Variants in LDAH observed in about 807,000 individuals in gnomAD.
LDAH encodes the protein lipid droplet-associated hydrolase.
A neutral mutation model predicts 29.6 loss-of-function variants in LDAH; 26 were observed. That is an observed-to-expected ratio of 0.88 (90% confidence interval 0.64 to 1.22). The LOEUF (loss-of-function observed/expected upper bound fraction) is 1.22, where lower values mean the gene tolerates loss of function less well. LDAH is among the 50% of genes most tolerant of loss of function. LDAH has a pLI of 0.00. For missense variants in LDAH, 344 were observed against 387.3 expected (o/e 0.89, Z 0.94); for synonymous variants, 117 against 133.0 (o/e 0.88, Z 0.83).
At chr2:20,683,177 G>A (rs150090046), downstream of LDAH, among the ~76,000 whole-genome samples, 205 of 152,272 alleles carry the variant, frequency 1.3e-3, no homozygotes, top group African/African-American at 4.8e-3. Context: ...GATGCCTTCA[G>A]CCTGGTGGGA....
chr2:20,800,379 A>T (rs903448184), intron 2 of LDAH, among the ~76,000 whole-genome samples: 21 of 152,270 alleles, frequency 1.4e-4, no homozygotes, highest in African/African-American at 4.6e-4. Context: ...GTTGTGTAAG[A>T]ATCAACTGAA....
At chr2:20,808,144 T>C (rs1042371469) in intron 1 of LDAH, among the ~76,000 whole-genome samples, 1 of 152,142 alleles carries the variant, frequency 6.6e-6, no homozygotes, top group Admixed American at 6.5e-5. Flanking sequence ...GTGCAAGACC[T>C]CTACACAGAA....
rs899670043 is a variant in LDAH, at chr2:20,735,603, AT to A, written c.703+4367del. On this transcript the variant is annotated intron_variant, in intron 5 of 6. Transcript: ENST00000237822. ...CTCTGTCATTTTGGTGTTGGCATTG[AT>A]TTTTTTTTTCCAGTCAAGTTGAGAT... is the stretch of plus-strand genomic sequence containing the variant. Among the ~76,000 whole-genome samples the A allele has an allele frequency of 8.0e-5, 12 of 149,528 alleles. No homozygotes were observed. In the South Asian group the frequency reaches 1.9e-3, roughly 24 times the overall value.
intron 4 of LDAH, among the ~76,000 whole-genome samples, chr2:20,766,915 T>C (rs1463129650): frequency 1.3e-5 from 2 of 152,172 alleles, no homozygotes; most frequent in African/African-American, 4.8e-5. Context: ...AGGAGGGGGC[T>C]CTGCGCAGGG....
At chr2:20,687,825 T>C (rs963252918) in intron 6 of LDAH, among the ~76,000 whole-genome samples, 1 of 152,256 alleles carries the variant, frequency 6.6e-6, no homozygotes, top group Admixed American at 6.5e-5. Context: ...GTTCTAGTTC[T>C]GTTAGTTCTA....
intron 5 of LDAH, among the ~76,000 whole-genome samples, chr2:20,734,156 G>A (rs796317870): frequency 1.3e-5 from 2 of 152,220 alleles, no homozygotes; most frequent in South Asian, 4.2e-4. Flanking sequence ...TTTGCATAAT[G>A]TATCTTTTCT....
chr2:20,701,072 T>C (rs12473025), intron 6 of LDAH, among the ~76,000 whole-genome samples: 9,306 of 152,206 alleles, frequency 0.061, 386 homozygotes, highest in East Asian at 0.13. Context: ...TCCAGATGTG[T>C]GTGTGCAAGA....
intron 5 of LDAH, among the ~76,000 whole-genome samples, chr2:20,722,642 C>G (rs984528415): frequency 6.6e-6 from 1 of 152,100 alleles, no homozygotes; most frequent in Admixed American, 6.5e-5. Context: ...ATGGATACCC[C>G]ATTTACCCTA....
At chr2:20,781,947 A>G (rs1670222501) in intron 3 of LDAH, among the ~76,000 whole-genome samples, 1 of 152,210 alleles carries the variant, frequency 6.6e-6, no homozygotes, top group African/African-American at 2.4e-5. Flanking sequence ...GGCCAACTAG[A>G]GATAAACATA....
Position 20,798,760 on chromosome 2 carries a change from A to G in LDAH, c.154+2550T>C, listed in dbSNP as rs1489888408. Reference sequence around the variant, plus strand: ...ATCTTTTTCTTTCATGGAGGAAGACAATAGATAACATCTAATATTAAAAAC... The same window carrying G: ...ATCTTTTTCTTTCATGGAGGAAGACGATAGATAACATCTAATATTAAAAAC... On this transcript the variant is annotated intron_variant, in intron 2 of 6. Coordinates refer to ENST00000237822, the MANE Select transcript of LDAH (RefSeq NM_021925.4). Among the ~76,000 whole-genome samples the G allele has an allele frequency of 3.9e-5, 6 of 151,956 alleles. No homozygotes were observed. The East Asian group carries it at 1.2e-3, about 29-fold the overall frequency.
intron 5 of LDAH, among the ~76,000 whole-genome samples, chr2:20,733,849 T>G (rs1666595767): frequency 6.6e-6 from 1 of 152,188 alleles, no homozygotes; most frequent in African/African-American, 2.4e-5. Flanking sequence ...TTACATGTAG[T>G]ATTATTTGAA....
intron 4 of LDAH, among the ~76,000 whole-genome samples, chr2:20,751,568 T>C (rs1558442405): frequency 6.6e-6 from 1 of 152,236 alleles, no homozygotes; most frequent in Non-Finnish European, 1.5e-5. Context: ...CTCAGTCTTA[T>C]GAGAGTAAAT....
chr2:20,727,848 G>A (rs1471031336), intron 5 of LDAH, among the ~76,000 whole-genome samples: 1 of 152,104 alleles, frequency 6.6e-6, no homozygotes, highest in Non-Finnish European at 1.5e-5. Context: ...TTAACAAAAT[G>A]ACATTGATGA....
chr2:20,797,202 T>C (rs1279099280), intron 2 of LDAH, among the ~76,000 whole-genome samples: 1 of 152,222 alleles, frequency 6.6e-6, no homozygotes. Context: ...TTCCCATTAG[T>C]GGTTAAAACA....
intron 5 of LDAH, among the ~76,000 whole-genome samples, chr2:20,723,834 T>C (rs1411272435): frequency 1.3e-5 from 2 of 152,200 alleles, no homozygotes; most frequent in Non-Finnish European, 2.9e-5. Context: ...AAATGTCTAG[T>C]AGCAGTAGTA....
At chr2:20,742,487 G>A (rs1470241746) in intron 4 of LDAH, among the ~76,000 whole-genome samples, 1 of 152,172 alleles carries the variant, frequency 6.6e-6, no homozygotes, top group African/African-American at 2.4e-5. Context: ...TTGCTGCTAG[G>A]CACATGCATG....
chr2:20,782,935 T>C (rs114449557), intron 3 of LDAH, among the ~76,000 whole-genome samples: 160 of 152,336 alleles, frequency 1.1e-3, no homozygotes, highest in African/African-American at 3.6e-3. Flanking sequence ...ATCTTCCTTC[T>C]TCTCTAATAC....
At position 20,698,205 on chromosome 2, in the gene LDAH, C is replaced by T. The variant is rs553838329; in HGVS notation, c.786+3365G>A. ...TTTACCAGGTATGAATTATGCTAGG[C>T]CCTAGGGGACATCAAGACGAAGAAG... On this transcript the variant is annotated intron_variant, in intron 6 of 6. Coordinates refer to ENST00000237822, the MANE Select transcript of LDAH (RefSeq NM_021925.4). The surrounding 1 kb of genome is among the most constrained non-coding windows in gnomAD (Gnocchi z 4.4). 6.6e-6 allele frequency among the ~76,000 whole-genome samples: 1 copy of T among 152,284 alleles called. No individual in the cohort carries two copies. The highest frequency in any genetic ancestry group is 1.5e-5 in the Non-Finnish European group (1 of 68,028).
intron 5 of LDAH, among the ~76,000 whole-genome samples, chr2:20,718,973 A>G (rs1312753823): frequency 6.6e-6 from 1 of 151,400 alleles, no homozygotes; most frequent in Non-Finnish European, 1.5e-5. Context: ...ACAAATGAAA[A>G]TGGAAACACA....
Sources: gnomAD v4.1 joint callset for allele counts (sites outside exome capture counted in the v4.1 genomes callset) on GRCh38, gnomAD v4.1.1 for gene constraint, Gnocchi (gnomAD v3.1) non-coding constraint, MANE v1.5 for transcripts, NCBI Gene and HGNC (gene_info 2026-07-23, HGNC 2026-07-21) for gene names.